PPAT: variants seen among roughly 807,000 people sequenced by gnomAD.
PPAT encodes the protein phosphoribosyl pyrophosphate amidotransferase.
PPAT carries 20 observed loss-of-function variants against 60.2 expected under a neutral mutation model. That is an observed-to-expected ratio of 0.33 (90% CI 0.23 to 0.48). The LOEUF (loss-of-function observed/expected upper bound fraction) is 0.48, where lower values mean the gene tolerates loss of function less well. Ranked by LOEUF, PPAT falls within the 20% of genes least tolerant of loss-of-function variation. PPAT has a pLI of 0.99. For missense variants in PPAT, 349 were observed against 629.6 expected, an observed-to-expected ratio of 0.55 and a Z score of 4.77; for synonymous variants, 194 against 215.1, an observed-to-expected ratio of 0.90 and a Z score of 0.86.
chr4:56,416,317 T>A (rs951605100), intron 1 of PPAT: 2 of 275,914 alleles, frequency 7.2e-6, no homozygotes, highest in Non-Finnish European at 1.1e-5. Context: ...TTATCAGTCA[T>A]GTTGTTTCTA....
chr4:56,410,835 A>G, intron 1 of PPAT: 2 of 983,278 alleles, frequency 2.0e-6, no homozygotes, highest in Non-Finnish European at 2.4e-6. Context: ...TTTACAGAGG[A>G]AGATGCAAAT....
At position 56,393,380 on chromosome 4, in the gene PPAT, A is replaced by G. The variant is rs1438084948; in HGVS notation, c.*1972T>C. On this transcript the variant is annotated 3_prime_UTR_variant, in exon 11 of 11. Transcript: ENST00000264220. The stretch of plus-strand genomic sequence containing the variant: ...ACACATATTTAAACATACTTATTAC[A>G]CATATTTATCAACAAGGCATCACAA... The G allele has an allele frequency of 6.6e-6, 1 of 152,142 alleles. No individual in the cohort carries two copies. Among genetic ancestry groups the G allele is most frequent in the Non-Finnish European group, 1.5e-5 (1 of 68,036 alleles). The allele number at this position is 152,142 out of a possible 1,614,324, so 9.4% of individuals were successfully genotyped here. A position where few individuals can be genotyped will look rare whatever the true frequency, so the allele number is the denominator to read the frequency against.
At chr4:56,432,906 G>A (rs1360758864) in intron 1 of PPAT, among the ~76,000 whole-genome samples, 1 of 151,460 alleles carries the variant, frequency 6.6e-6, no homozygotes, top group African/African-American at 2.4e-5. Flanking sequence ...GAGTGAATGA[G>A]GGTGAGAAAG....
At chr4:56,416,372 G>A (rs545918289) in intron 1 of PPAT, 4 of 874,692 alleles carry the variant, frequency 4.6e-6, no homozygotes, top group East Asian at 2.4e-4. Flanking sequence ...AATTGCATCA[G>A]TAGATAAGGA....
chr4:56,402,005 C>T (rs1716124115), intron 6 of PPAT, 104 bp downstream of exon 6: 10 of 823,248 alleles, frequency 1.2e-5, no homozygotes, highest in Non-Finnish European at 1.5e-5. Flanking sequence ...TTCTTGCAGA[C>T]ATCAAAAAGA....
chr4:56,409,951 C>T (rs1409089727), intron 1 of PPAT, among the ~76,000 whole-genome samples: 1 of 152,180 alleles, frequency 6.6e-6, no homozygotes, highest in Non-Finnish European at 1.5e-5. Flanking sequence ...TCACAGCTCA[C>T]AGCAGCCTCA....
intron 1 of PPAT, among the ~76,000 whole-genome samples, chr4:56,426,743 C>A (rs1006340250): frequency 6.6e-6 from 1 of 152,152 alleles, no homozygotes; most frequent in African/African-American, 2.4e-5. Flanking sequence ...CATTCTGGTA[C>A]AATTTTTTTC....
chr4:56,419,274 T>A (rs546960048), intron 1 of PPAT, among the ~76,000 whole-genome samples: 5 of 152,208 alleles, frequency 3.3e-5, no homozygotes, highest in East Asian at 1.9e-4. Context: ...CTGTTTTCTA[T>A]AGTAAATGCT....
At chr4:56,408,627 G>A (rs560972699) in intron 1 of PPAT, among the ~76,000 whole-genome samples, 90 of 151,054 alleles carry the variant, frequency 6.0e-4, no homozygotes, top group African/African-American at 2.1e-3. Context: ...GGTGGCGGGC[G>A]CCTGTCGTCC....
rs1368093381 is a variant in PPAT, at chr4:56,403,448, C to T, written c.403-47G>A. 3 of 1,425,018 alleles carry T rather than the reference C, an allele frequency of 2.1e-6. No homozygotes were observed. In the East Asian group the frequency reaches 6.9e-5, roughly 33 times the overall value. The allele number at this position is 1,425,018 out of a possible 1,614,324, so 88.3% of individuals were successfully genotyped here. A position where few individuals can be genotyped will look rare whatever the true frequency, so the allele number is the denominator to read the frequency against. ...TTTAATCATCAGAGGGGAAGCTCCA[C>T]CCCACCCCAAACCCAGTAGCCAACC... is the stretch of plus-strand genomic sequence containing the variant. On this transcript the variant is annotated intron_variant, in intron 3 of 10. Coordinates refer to ENST00000264220, the MANE Select transcript of PPAT (RefSeq NM_002703.5).
At position 56,435,331 on chromosome 4, in the gene PPAT, C is replaced by G; in HGVS notation, c.128+19G>C. 1 of 1,613,198 alleles carries G rather than the reference C, an allele frequency of 6.2e-7. No homozygotes were observed. Among genetic ancestry groups the G allele is most frequent in the Middle Eastern group, 1.7e-4 (1 of 6,050 alleles). The stretch of plus-strand genomic sequence containing the variant: ...GAGATGGAGACGCACGCCCCCGCCA[C>G]CCCCACCCTGTTGCTCACCGGTGCT... On this transcript the variant is annotated intron_variant, in intron 1 of 10. Transcript: ENST00000264220.
In PPAT at chr4:56,396,465, C is replaced by T; in HGVS notation, c.1357+154G>A. On this transcript the variant is annotated intron_variant, in intron 10 of 10. Coordinates refer to ENST00000264220, the MANE Select transcript of PPAT (RefSeq NM_002703.5). The surrounding 1 kb of genome is among the most constrained non-coding windows in gnomAD (Gnocchi z 4.6). ...CTGTGGTGTCTGCCCATGCCCACTA[C>T]TCTCACTGTTGAGAATAGTATTCAA... 1 of 689,784 alleles carries T rather than the reference C, an allele frequency of 1.4e-6. No individual in the cohort carries two copies. Among genetic ancestry groups the T allele is most frequent in the South Asian group, 2.4e-5 (1 of 41,216 alleles). 42.7% of individuals were successfully genotyped at this position (689,784 alleles called of 1,614,324 possible).
intron 6 of PPAT, 54 bp downstream of exon 6, chr4:56,402,051 TAAAA>T: frequency 1.5e-6 from 2 of 1,344,558 alleles, no homozygotes; most frequent in South Asian, 2.8e-5. Flanking sequence ...AGAAACTGTC[TAAAA>T]AAAATTCTTT....
chr4:56,424,806 G>T (rs186586010), intron 1 of PPAT, among the ~76,000 whole-genome samples: 1 of 152,304 alleles, frequency 6.6e-6, no homozygotes, highest in East Asian at 1.9e-4. Context: ...TCCAATATCA[G>T]CTGCCATTTA....
chr4:56,409,192 C>T (rs761074432), intron 1 of PPAT, among the ~76,000 whole-genome samples: 1 of 149,126 alleles, frequency 6.7e-6, no homozygotes, highest in Non-Finnish European at 1.5e-5. Context: ...TACAGATAAA[C>T]ACACTAAAGC....
chr4:56,430,349 T>C (rs559542909), intron 1 of PPAT, among the ~76,000 whole-genome samples: 1 of 152,154 alleles, frequency 6.6e-6, no homozygotes, highest in African/African-American at 2.4e-5. Context: ...TCCTATAAGG[T>C]AGGTGCTATT....
At chr4:56,405,782 A>T (rs755259131) in intron 3 of PPAT, among the ~76,000 whole-genome samples, 2 of 152,192 alleles carry the variant, frequency 1.3e-5, no homozygotes, top group Non-Finnish European at 2.9e-5. Flanking sequence ...AATATCCTTT[A>T]TAATAAACTG....
intron 1 of PPAT, among the ~76,000 whole-genome samples, chr4:56,415,518 A>G (rs1206432871): frequency 6.6e-6 from 1 of 152,212 alleles, no homozygotes; most frequent in Non-Finnish European, 1.5e-5. Context: ...TTCAATTTTT[A>G]TGGTTGGCAT....
At chr4:56,430,656 C>A (rs760535711) in intron 1 of PPAT, among the ~76,000 whole-genome samples, 1 of 151,064 alleles carries the variant, frequency 6.6e-6, no homozygotes, top group African/African-American at 2.4e-5. Flanking sequence ...GATATAAATG[C>A]AAGTCAGATA....
Sources: gnomAD v4.1 joint callset for allele counts (sites outside exome capture counted in the v4.1 genomes callset) on GRCh38, gnomAD v4.1.1 for gene constraint, Gnocchi (gnomAD v3.1) non-coding constraint, MANE v1.5 for transcripts, NCBI Gene and HGNC (gene_info 2026-07-23, HGNC 2026-07-21) for gene names.